The following NCALD variants were observed in gnomAD, a reference collection of about 807,000 sequenced individuals.
NCALD encodes the protein neurocalcin delta.
In NCALD, 10 loss-of-function variants were observed where a neutral mutation model predicts 18.6. The ratio of observed to expected loss-of-function variants is 0.54; its 90% CI spans 0.33 to 0.91. The LOEUF (loss-of-function observed/expected upper bound fraction) is 0.91, where lower values mean the gene tolerates loss of function less well. NCALD is among the 40% of genes least tolerant of loss of function. The probability of loss-of-function intolerance (pLI) is 0.03; values close to 1 mark genes in which losing one functional copy is unlikely to be tolerated. For missense variants in NCALD, 184 were observed against 247.6 expected, an observed-to-expected ratio of 0.74 and a Z score of 1.72; for synonymous variants, 88 against 87.4, an observed-to-expected ratio of 1.01 and a Z score of -0.04.
intron 1 of NCALD, among the ~76,000 whole-genome samples, chr8:102,074,122 T>C (rs1472648513): frequency 2.6e-5 from 4 of 152,196 alleles, no homozygotes; most frequent in Non-Finnish European, 5.9e-5. Context: ...CGAGAAGACA[T>C]GAACAAGTCC....
intron 1 of NCALD, among the ~76,000 whole-genome samples, chr8:102,052,949 A>G (rs1481865234): frequency 6.6e-6 from 1 of 152,242 alleles, no homozygotes; most frequent in Non-Finnish European, 1.5e-5. Flanking sequence ...TGTTAAAACC[A>G]TTCTTAGCCT....
intron 1 of NCALD, among the ~76,000 whole-genome samples, chr8:102,114,106 G>A (rs541069261): frequency 6.6e-6 from 1 of 152,334 alleles, no homozygotes; most frequent in South Asian, 2.1e-4. Context: ...GCTCAAAACA[G>A]CCCTGTAAGT....
At chr8:101,811,202 A>G (rs1813292516) in intron 4 of NCALD, among the ~76,000 whole-genome samples, 1 of 152,198 alleles carries the variant, frequency 6.6e-6, no homozygotes, top group Admixed American at 6.6e-5. Context: ...TGACCTTAAA[A>G]TAGAGAGATT....
Position 101,744,093 on chromosome 8 carries a change from G to A in NCALD, c.-19-24445C>T, listed in dbSNP as rs555583590. On this transcript the variant is annotated intron_variant, in intron 1 of 3. Coordinates refer to ENST00000220931, the MANE Select transcript of NCALD (RefSeq NM_032041.3). ...GACAGATCGACAGATCAAGGCTCAG[G>A]CCCTGGGCCATCATGCTACCTCTGA... 2.2e-4 allele frequency among the ~76,000 whole-genome samples: 33 copies of A among 152,318 alleles called. 1 individual carries two copies. The South Asian group carries it at 6.6e-3, about 31-fold the overall frequency.
intron 1 of NCALD, among the ~76,000 whole-genome samples, chr8:101,732,584 T>G (rs1004561859): frequency 6.8e-6 from 1 of 147,652 alleles, no homozygotes; most frequent in Non-Finnish European, 1.5e-5. Flanking sequence ...TATTTCTTTT[T>G]CTTTGCTTTT....
chr8:101,712,555 G>C lies in NCALD; in HGVS notation c.378+6697C>G, dbSNP rs184539066. Among the ~76,000 whole-genome samples, 15 of 117,064 alleles carry C rather than the reference G, an allele frequency of 1.3e-4. No homozygotes were observed. In the East Asian group the frequency reaches 3.5e-3, roughly 27 times the overall value. The allele number at this position is 117,064 out of a possible 152,430, so 76.8% of individuals were successfully genotyped here. On this transcript the variant is annotated intron_variant, in intron 2 of 3. Transcript: ENST00000220931. ...GACACACATAGGCTCAAAATAAAGG[G>C]ATGGAGGAAGATTTACCAAACAAAT...
chr8:102,027,721 A>G (rs1403808507), intron 1 of NCALD, among the ~76,000 whole-genome samples: 1 of 152,172 alleles, frequency 6.6e-6, no homozygotes, highest in Non-Finnish European at 1.5e-5. Flanking sequence ...ACATATCTGA[A>G]CCAGGTAATT....
intron 3 of NCALD, among the ~76,000 whole-genome samples, chr8:101,903,253 G>A (rs1372258287): frequency 1.3e-5 from 2 of 148,926 alleles, no homozygotes; most frequent in Non-Finnish European, 3.0e-5. Flanking sequence ...CTGGAGTGCA[G>A]TGGCGTGATC....
intron 1 of NCALD, among the ~76,000 whole-genome samples, chr8:102,054,219 T>C (rs1823552231): frequency 6.6e-6 from 1 of 152,158 alleles, no homozygotes; most frequent in African/African-American, 2.4e-5. Context: ...ATGAATAGTG[T>C]CCCTTGATGG....
chr8:101,977,124 T>C (rs776668723), intron 2 of NCALD, among the ~76,000 whole-genome samples: 19 of 152,098 alleles, frequency 1.2e-4, no homozygotes, highest in South Asian at 2.1e-4. Context: ...AAAATGGTTA[T>C]TTCTCCTTTC....
intron 1 of NCALD, among the ~76,000 whole-genome samples, chr8:102,079,700 A>G (rs900968493): frequency 3.3e-5 from 5 of 152,236 alleles, no homozygotes; most frequent in African/African-American, 1.2e-4. Flanking sequence ...TCATTTTAAC[A>G]GTCCTTTTCT....
chr8:102,021,597 C>T (rs977584852), intron 1 of NCALD, among the ~76,000 whole-genome samples: 1 of 152,206 alleles, frequency 6.6e-6, no homozygotes, highest in Non-Finnish European at 1.5e-5. Context: ...GGGGGTCAAT[C>T]AGCCCATAGG....
chr8:101,992,982 C>T (rs1032976738), intron 2 of NCALD, among the ~76,000 whole-genome samples: 12 of 148,366 alleles, frequency 8.1e-5, no homozygotes, highest in Admixed American at 6.1e-4. Flanking sequence ...TTAAATAGCT[C>T]GTCCAAGATA....
chr8:101,859,106 A>G (rs1408294274), intron 4 of NCALD, among the ~76,000 whole-genome samples: 2 of 152,146 alleles, frequency 1.3e-5, no homozygotes, highest in African/African-American at 4.8e-5. Context: ...GCACCATCTA[A>G]TCAGCTGCCA....
intron 1 of NCALD, among the ~76,000 whole-genome samples, chr8:102,092,889 T>G (rs781352117): frequency 2.6e-5 from 4 of 152,228 alleles, no homozygotes; most frequent in Non-Finnish European, 5.9e-5. Flanking sequence ...CTTCAAGCAC[T>G]TCTTTGACTT....
At chr8:101,828,807 T>C (rs867956027) in intron 4 of NCALD, among the ~76,000 whole-genome samples, 1 of 152,078 alleles carries the variant, frequency 6.6e-6, no homozygotes, top group Non-Finnish European at 1.5e-5. Context: ...CTAGTTGGGA[T>C]GTAAGTTTCA....
chr8:101,739,491 A>T (rs1472351511), intron 1 of NCALD, among the ~76,000 whole-genome samples: 1 of 152,130 alleles, frequency 6.6e-6, no homozygotes, highest in Admixed American at 6.6e-5. Context: ...TTAACATTTG[A>T]GTCAGTGGAC....
chr8:102,093,458 C>T (rs1824992059), intron 1 of NCALD, among the ~76,000 whole-genome samples: 1 of 152,124 alleles, frequency 6.6e-6, no homozygotes, highest in Admixed American at 6.5e-5. Context: ...TTTACATTCC[C>T]TCAGCTTTCC....
At chr8:101,958,863 A>T (rs1819734069) in intron 2 of NCALD, among the ~76,000 whole-genome samples, 1 of 152,170 alleles carries the variant, frequency 6.6e-6, no homozygotes, top group South Asian at 2.1e-4. Context: ...TAAATGTATT[A>T]TTTGGAAACA....
Sources: allele counts gnomAD v4.1 joint callset (sites outside exome capture counted in the v4.1 genomes callset), GRCh38; gene constraint gnomAD v4.1.1; transcripts MANE v1.5; gene names NCBI Gene and HGNC (gene_info 2026-07-23, HGNC 2026-07-21).